LNPK: variants seen among roughly 807,000 people sequenced by gnomAD.
LNPK encodes endoplasmic reticulum junction formation protein lunapark.
A neutral mutation model predicts 55.2 loss-of-function variants in LNPK; 29 were observed. That is an observed-to-expected ratio of 0.53 (90% confidence interval 0.39 to 0.72). The LOEUF is 0.72. LNPK is among the 30% of genes least tolerant of loss of function. LNPK has a pLI of 0.00. For synonymous variants in LNPK, 162 were observed against 168.2 expected, an observed-to-expected ratio of 0.96 and a Z score of 0.29; for missense variants, 467 against 494.8, an observed-to-expected ratio of 0.94 and a Z score of 0.53.
intron 6 of LNPK, among the ~76,000 whole-genome samples, chr2:175,968,165 T>C (rs1424026948): frequency 6.6e-6 from 1 of 152,228 alleles, no homozygotes; most frequent in Non-Finnish European, 1.5e-5. Flanking sequence ...TAACTCAGCA[T>C]GTCAGAATTT....
intron 2 of LNPK, among the ~76,000 whole-genome samples, chr2:175,993,880 T>G (rs1049871614): frequency 2.6e-5 from 4 of 152,106 alleles, no homozygotes; most frequent in African/African-American, 9.7e-5. Flanking sequence ...TCAAAAGAAT[T>G]AACACATTGA....
At chr2:175,993,289 A>G in intron 2 of LNPK, 66 bp from the exon 3 acceptor site, 4 of 917,446 alleles carry the variant, frequency 4.4e-6, no homozygotes, top group Non-Finnish European at 6.4e-6. Context: ...TTTTGATATA[A>G]TCATTAAAGA....
At chr2:175,982,736 A>G (rs1687230751) in intron 4 of LNPK, among the ~76,000 whole-genome samples, 1 of 152,180 alleles carries the variant, frequency 6.6e-6, no homozygotes, top group Non-Finnish European at 1.5e-5. Flanking sequence ...GAACTAAAGT[A>G]CTTCAGGACT....
intron 8 of LNPK, among the ~76,000 whole-genome samples, chr2:175,958,498 T>G (rs1270738334): frequency 1.3e-5 from 2 of 152,060 alleles, no homozygotes; most frequent in Non-Finnish European, 2.9e-5. Context: ...GAAGGAAAAC[T>G]AACAAACAGA....
Position 175,929,127 on chromosome 2 carries a change from A to G in LNPK, c.*840T>C. 1.0e-6 allele frequency: 1 copy of G among 984,916 alleles called. No individual in the cohort carries two copies. The highest frequency in any genetic ancestry group is 1.2e-6 in the Non-Finnish European group (1 of 829,052). 61.0% of individuals were successfully genotyped at this position (984,916 alleles called of 1,614,324 possible). On this transcript the variant is annotated 3_prime_UTR_variant, in exon 13 of 13. Coordinates refer to ENST00000272748, the MANE Select transcript of LNPK (RefSeq NM_030650.3). ...TATTTAGCAAAATGAAACTGATGCC[A>G]GATTATTTTCATTTTCCTTAATAAA...
At chr2:175,957,751 G>C (rs1005505665) in intron 8 of LNPK, among the ~76,000 whole-genome samples, 4 of 152,172 alleles carry the variant, frequency 2.6e-5, no homozygotes, top group Non-Finnish European at 5.9e-5. Flanking sequence ...AAGCAGGGCG[G>C]GGCATTGCCT....
At chr2:175,977,123 G>A (rs1574877453) in intron 5 of LNPK, among the ~76,000 whole-genome samples, 2 of 152,284 alleles carry the variant, frequency 1.3e-5, no homozygotes, top group East Asian at 3.9e-4. Flanking sequence ...CAATTACACA[G>A]TTAGGTATAC....
intron 8 of LNPK, among the ~76,000 whole-genome samples, chr2:175,963,272 A>T (rs1384319983): frequency 6.6e-6 from 1 of 152,238 alleles, no homozygotes; most frequent in Non-Finnish European, 1.5e-5. Context: ...TTATTGCGGC[A>T]TTATTCACAA....
At chr2:175,957,665 G>A (rs1685762976) in intron 8 of LNPK, among the ~76,000 whole-genome samples, 2 of 151,996 alleles carry the variant, frequency 1.3e-5, no homozygotes, top group Non-Finnish European at 1.5e-5. Context: ...GTGATTTCTG[G>A]ATTTCCAACT....
chr2:175,929,858 T>TA lies in LNPK; in HGVS notation c.*108dup, dbSNP rs1684177178. ...AGCTAGGCAATCTGAATTCAAATGA[T>TA]ACACAAGCATACCCTTAGAGGGGCA... On this transcript the variant is annotated 3_prime_UTR_variant, in exon 13 of 13. Transcript: ENST00000272748. The TA allele has an allele frequency of 6.7e-7, 1 of 1,500,740 alleles. No individual in the cohort carries two copies. The highest frequency in any genetic ancestry group is 1.4e-5 in the African/African-American group (1 of 71,174). The allele number at this position is 1,500,740 out of a possible 1,614,324, so 93.0% of individuals were successfully genotyped here. A position where few individuals can be genotyped will look rare whatever the true frequency, so the allele number is the denominator to read the frequency against.
rs369993548 is a variant in LNPK at position 175,951,823 on chromosome 2, A to T, written c.494-4131T>A. Among the ~76,000 whole-genome samples the T allele has an allele frequency of 1.7e-3, 258 of 152,030 alleles. 1 individual carries two copies. Among genetic ancestry groups the T allele is most frequent in the African/African-American group, 5.9e-3 (244 of 41,484 alleles). ...AGGAAATCTCCATACTGTTTTCCAC[A>T]GTGGTTGTACTAGTTTACATTCCCA... On this transcript the variant is annotated intron_variant, in intron 8 of 12. Transcript: ENST00000272748.
intron 8 of LNPK, among the ~76,000 whole-genome samples, chr2:175,954,675 G>C (rs913761563): frequency 1.3e-5 from 2 of 151,934 alleles, no homozygotes; most frequent in South Asian, 2.1e-4. Flanking sequence ...CTAACTTCTA[G>C]CAATCTCAAC....
intron 1 of LNPK, among the ~76,000 whole-genome samples, chr2:176,001,901 G>T (rs1486385917): frequency 6.6e-6 from 1 of 152,194 alleles, no homozygotes; most frequent in African/African-American, 2.4e-5. Context: ...CCCTAGAGGG[G>T]AAACAAGGGT....
intron 9 of LNPK, among the ~76,000 whole-genome samples, chr2:175,946,019 TAATAA>T (rs1685106017): frequency 6.6e-6 from 1 of 152,202 alleles, no homozygotes; most frequent in Non-Finnish European, 1.5e-5. Flanking sequence ...ATCTTCTTTA[TAATAA>T]ATTATTTAAC....
Position 175,970,898 on chromosome 2 carries a change from CTTA to C in LNPK, c.317-97_317-95del, listed in dbSNP as rs536458612. 1.7e-4 allele frequency: 190 copies of C among 1,131,428 alleles called. No individual in the cohort carries two copies. The African/African-American group carries it at 2.8e-3, about 17-fold the overall frequency. 70.1% of individuals were successfully genotyped at this position (1,131,428 alleles called of 1,614,324 possible). A position where few individuals can be genotyped will look rare whatever the true frequency, so the allele number is the denominator to read the frequency against. The stretch of plus-strand genomic sequence containing the variant: ...ACGGTAGCAAACACAAGAAAACTTT[CTTA>C]TTTTAGGATTTTTCAAAATTTAACT... On this transcript the variant is annotated intron_variant, in intron 5 of 12. Transcript: ENST00000272748.
At position 175,939,665 on chromosome 2, in the gene LNPK, A is replaced by C; in HGVS notation, c.707-8T>G. 1 of 1,369,300 alleles carries C rather than the reference A, an allele frequency of 7.3e-7. No individual in the cohort carries two copies. The highest frequency in any genetic ancestry group is 1.0e-6 in the Non-Finnish European group (1 of 977,538). The allele number at this position is 1,369,300 out of a possible 1,614,324, so 84.8% of individuals were successfully genotyped here. On this transcript the variant is annotated splice_region_variant and splice_polypyrimidine_tract_variant and intron_variant, in intron 9 of 12. Coordinates refer to ENST00000272748, the MANE Select transcript of LNPK (RefSeq NM_030650.3). ...GACCTGGAGGATGAAGACCTATTAA[A>C]TAAATAAATACATACAAAATTTATA...
At chr2:175,993,888 T>C (rs1041653858) in intron 2 of LNPK, among the ~76,000 whole-genome samples, 1 of 152,104 alleles carries the variant, frequency 6.6e-6, no homozygotes, top group African/African-American at 2.4e-5. Flanking sequence ...ATTAACACAT[T>C]GAAAAAAATT....
At chr2:175,935,511 G>A (rs1031985855) in intron 12 of LNPK, among the ~76,000 whole-genome samples, 4 of 152,224 alleles carry the variant, frequency 2.6e-5, no homozygotes, top group African/African-American at 9.7e-5. Flanking sequence ...TGTTGAGTTA[G>A]ATGTCTTGAG....
intron 9 of LNPK, 90 bp from the exon 10 acceptor site, chr2:175,939,747 G>A: frequency 3.6e-6 from 2 of 561,470 alleles, no homozygotes; most frequent in South Asian, 3.9e-5. Context: ...ATACTTGTTA[G>A]AAATTTTAAA....
Sources: allele counts gnomAD v4.1 joint callset (sites outside exome capture counted in the v4.1 genomes callset), GRCh38; gene constraint gnomAD v4.1.1; transcripts MANE v1.5; gene names NCBI Gene and HGNC (gene_info 2026-07-23, HGNC 2026-07-21).